Variants in G3BP2 observed in about 807,000 individuals in gnomAD.
G3BP2 encodes the protein G3BP stress granule assembly factor 2.
G3BP2 carries 11 observed loss-of-function variants against 56.7 expected under a neutral mutation model. The ratio of observed to expected loss-of-function variants is 0.19; its 90% CI spans 0.12 to 0.32. The LOEUF is 0.32. Among genes scored for constraint, G3BP2 ranks in the 10% least tolerant of loss-of-function variants. The pLI is 1.00. For missense variants in G3BP2, 340 were observed against 610.9 expected (o/e 0.56, Z 4.67); for synonymous variants, 165 against 191.6 (o/e 0.86, Z 1.15).
intron 3 of G3BP2, among the ~76,000 whole-genome samples, chr4:75,716,748 C>T (rs1177507805): frequency 2.0e-5 from 3 of 152,154 alleles, no homozygotes; most frequent in Non-Finnish European, 4.4e-5. Flanking sequence ...CTCCCAATCT[C>T]AGGTGATCCA....
chr4:75,673,236 C>T lies in G3BP2; in HGVS notation c.-53G>A. 1 of 1,218,130 alleles carries T rather than the reference C, an allele frequency of 8.2e-7. No individual in the cohort carries two copies. Among genetic ancestry groups the T allele is most frequent in the African/African-American group, 1.6e-5 (1 of 64,224 alleles). 75.5% of individuals were successfully genotyped at this position (1,218,130 alleles called of 1,614,324 possible). On this transcript the variant is annotated 5_prime_UTR_variant, in exon 1 of 12. Coordinates refer to ENST00000359707, the MANE Select transcript of G3BP2 (RefSeq NM_203505.3). ...CAGCCAACGGCGGCGGCGGGTACGT[C>T]GCGCGGAGGTCAGAAGAGTCGCTGA...
rs1390937060 is a variant in G3BP2 at position 75,645,515 on chromosome 4, G to A, written c.1364C>T (p.Pro455Leu). Residue 455 changes from proline to leucine, a missense_variant, in exon 12 of 12, where the codon CCT (proline) becomes CTT (leucine). Coordinates refer to ENST00000359707, the MANE Select transcript of G3BP2 (RefSeq NM_203505.3). ...MMRDRDGRGP[P>L]PRGGMAQKLG... ...TTTCTGTGCCATGCCACCCCTTGGA[G>A]GAGGTCCTCTTCCATCACGATCACG... The A allele has an allele frequency of 6.2e-7, 1 of 1,613,708 alleles. No homozygotes were observed. Among genetic ancestry groups the A allele is most frequent in the Admixed American group, 1.7e-5 (1 of 59,982 alleles).
Position 75,645,605 on chromosome 4 carries a change from C to T in G3BP2, c.1274G>A (p.Arg425Lys), listed in dbSNP as rs1196493640. 3 of 1,614,062 alleles carry T rather than the reference C, an allele frequency of 1.9e-6. No homozygotes were observed. The highest frequency in any genetic ancestry group is 2.2e-5 in the East Asian group (1 of 44,878). Residue 425 changes from arginine (R) to lysine (K), a missense_variant, in exon 12 of 12, where the codon AGG becomes AAG. This residue lies in a region of G3BP2 where 94 missense variants were observed against 173.8 expected (regional missense o/e 0.54). Coordinates refer to ENST00000359707, the MANE Select transcript of G3BP2 (RefSeq NM_203505.3). ...ACCTCGATCATTGCGCCTAATATCC[C>T]TGCGATCATCACCACCACCTCTGGT... is the stretch of plus-strand genomic sequence containing the variant. Reference protein sequence around the residue: ...RETRGGGDDRRDIRRNDRGPG... With the variant: ...RETRGGGDDRKDIRRNDRGPG...
intron 1 of G3BP2, among the ~76,000 whole-genome samples, chr4:75,669,666 C>T (rs1434910567): frequency 6.6e-6 from 1 of 152,346 alleles, no homozygotes; most frequent in South Asian, 2.1e-4. Context: ...TAATATTATT[C>T]TCTGCAATTT....
chr4:75,719,713 C>G (rs371143729), intron 3 of G3BP2, among the ~76,000 whole-genome samples: 1 of 151,958 alleles, frequency 6.6e-6, no homozygotes, highest in Admixed American at 6.6e-5. Context: ...CCTCAGCCTC[C>G]CGAGTAGCTA....
At chr4:75,707,603 C>CAA (rs34253273) in intron 3 of G3BP2, among the ~76,000 whole-genome samples, 36,003 of 116,346 alleles carry the variant, frequency 0.31, 6,364 homozygotes, top group East Asian at 0.75. Context: ...GAGCGAGACT[C>CAA]AAAAAAAAAA....
At chr4:75,659,013 C>A (rs1732337112) in intron 2 of G3BP2, 89 bp from the exon 3 acceptor site, 1 of 966,218 alleles carries the variant, frequency 1.0e-6, no homozygotes, top group African/African-American at 1.6e-5. Flanking sequence ...GTTCCGGATC[C>A]CGCTCTGTCA....
intron 3 of G3BP2, among the ~76,000 whole-genome samples, chr4:75,692,656 C>T (rs1230450001): frequency 1.3e-5 from 2 of 152,058 alleles, no homozygotes; most frequent in Admixed American, 1.3e-4. Flanking sequence ...CTGTCTTTAC[C>T]GCTGCTGAAA....
At chr4:75,678,768 T>G (rs1344973291) in intron 3 of G3BP2, among the ~76,000 whole-genome samples, 1 of 152,256 alleles carries the variant, frequency 6.6e-6, no homozygotes, top group African/African-American at 2.4e-5. Context: ...TTTATGTGCC[T>G]CAGTGTTTCT....
chr4:75,645,571 A>T lies in G3BP2; in HGVS notation c.1308T>A (p.Gly436=), dbSNP rs773212918. The T allele has an allele frequency of 1.2e-6, 2 of 1,613,976 alleles. No individual in the cohort carries two copies. The highest frequency in any genetic ancestry group is 1.7e-5 in the Admixed American group (1 of 59,990). The change falls in exon 12 of 12, where the codon GGT becomes GGA. Residue 436 remains glycine (G), a synonymous_variant. Coordinates refer to ENST00000359707, the MANE Select transcript of G3BP2 (RefSeq NM_203505.3). ...TTCCACCACCCACAATTCCACGTGG[A>T]CCACCGGGACCTCGATCATTGCGCC... ...DIRRNDRGPG[G]PRGIVGGGMM...
chr4:75,665,654 CAA>C (rs879854579), intron 1 of G3BP2, among the ~76,000 whole-genome samples: 1,155 of 37,734 alleles, frequency 0.031, 10 homozygotes, highest in East Asian at 0.26. Flanking sequence ...AACACACAAA[CAA>C]ACACACACAC....
intron 3 of G3BP2, chr4:75,694,919 C>T (rs1719041219): frequency 2.1e-5 from 21 of 985,452 alleles, no homozygotes; most frequent in Non-Finnish European, 2.4e-5. Context: ...GCGATAAGGA[C>T]ATGAAGGAAA....
intron 3 of G3BP2, among the ~76,000 whole-genome samples, chr4:75,704,041 A>G (rs1272094492): frequency 1.4e-5 from 2 of 145,862 alleles, no homozygotes; most frequent in African/African-American, 5.1e-5. Flanking sequence ...TTTTTTTGAG[A>G]CAGAGTCTCG....
intron 8 of G3BP2, among the ~76,000 whole-genome samples, chr4:75,650,684 T>C (rs1731626378): frequency 6.6e-6 from 1 of 152,146 alleles, no homozygotes; most frequent in Admixed American, 6.6e-5. Context: ...TTATATGTAT[T>C]TACTCCTATA....
At position 75,645,204 on chromosome 4, in the gene G3BP2, A is replaced by G; in HGVS notation, c.*226T>C. The G allele has an allele frequency of 1.8e-6, 1 of 561,574 alleles. No individual in the cohort carries two copies. The highest frequency in any genetic ancestry group is 3.1e-6 in the Non-Finnish European group (1 of 319,628). 34.8% of individuals were successfully genotyped at this position (561,574 alleles called of 1,614,324 possible). On this transcript the variant is annotated 3_prime_UTR_variant, in exon 12 of 12. Coordinates refer to ENST00000359707, the MANE Select transcript of G3BP2 (RefSeq NM_203505.3). ...ATAGTTTAAGATATGGTCATTTCTC[A>G]GTCCTTAATTCTCCAAGTCTAGATT... is the stretch of plus-strand genomic sequence containing the variant.
chr4:75,722,283 C>A (rs1456672084), intron 1 of G3BP2, among the ~76,000 whole-genome samples: 1 of 152,146 alleles, frequency 6.6e-6, no homozygotes, highest in Non-Finnish European at 1.5e-5. Flanking sequence ...AGGGAAAATT[C>A]ATAGTAAGCT....
chr4:75,712,904 G>A (rs886989348), intron 3 of G3BP2, among the ~76,000 whole-genome samples: 7 of 151,942 alleles, frequency 4.6e-5, no homozygotes, highest in Middle Eastern at 3.2e-3. Flanking sequence ...AGAGAATATA[G>A]AATTTCTAAA....
chr4:75,676,971 C>T (rs1005455322), upstream of G3BP2, among the ~76,000 whole-genome samples: 1 of 152,176 alleles, frequency 6.6e-6, no homozygotes, highest in Non-Finnish European at 1.5e-5. Flanking sequence ...ATTACCACCC[C>T]AAGGCCTTTA....
chr4:75,673,690 C>T (rs550896022), upstream of G3BP2: 50 of 1,136,704 alleles, frequency 4.4e-5, no homozygotes, highest in African/African-American at 7.3e-4. Flanking sequence ...TCCAGCCTTG[C>T]CGCCCTTCTT....
Sources: allele counts gnomAD v4.1 joint callset (sites outside exome capture counted in the v4.1 genomes callset), GRCh38; gene constraint gnomAD v4.1.1; regional missense constraint gnomAD v4.1.1; transcripts MANE v1.5; gene names NCBI Gene and HGNC (gene_info 2026-07-23, HGNC 2026-07-21).